MEGF8: variants seen among roughly 807,000 people sequenced by gnomAD.
MEGF8 encodes multiple epidermal growth factor-like domains protein 8.
Under a neutral mutation model 302.9 loss-of-function variants are expected in MEGF8, and 156 were observed. The observed-to-expected ratio is 0.52, with a 90% CI of 0.45 to 0.59. The LOEUF is 0.59. Among genes scored for constraint, MEGF8 ranks in the 20% least tolerant of loss-of-function variants. The pLI is 0.00. For missense variants in MEGF8, 3,345 were observed against 3,964.5 expected (o/e 0.84, Z 4.20); for synonymous variants, 1,621 against 1,660.5 (o/e 0.98, Z 0.58).
intron 12 of MEGF8, among the ~76,000 whole-genome samples, chr19:42,346,208 G>C (rs1374141034): frequency 1.3e-5 from 2 of 151,876 alleles, no homozygotes; most frequent in Non-Finnish European, 2.9e-5. Flanking sequence ...CCTCTTTATT[G>C]ATTTTAAAAA....
At chr19:42,362,793 C>T (rs1461437419) in intron 34 of MEGF8, among the ~76,000 whole-genome samples, 196 bp downstream of exon 34, 2 of 146,026 alleles carry the variant, frequency 1.4e-5, no homozygotes, top group Non-Finnish European at 3.0e-5. Context: ...GGCCTGGACT[C>T]CTGGGTCTGA....
chr19:42,350,080 C>G (rs1242856169), intron 14 of MEGF8, 68 bp from the exon 15 acceptor site: 7 of 1,299,042 alleles, frequency 5.4e-6, no homozygotes, highest in Non-Finnish European at 7.5e-6. Flanking sequence ...CCCTTACTTT[C>G]AGTTAGCGCC....
chr19:42,335,938 G>A lies in MEGF8; in HGVS notation c.836G>A (p.Arg279His), dbSNP rs765439952. The A allele has an allele frequency of 1.0e-5, 15 of 1,470,008 alleles. No homozygotes were observed. Among genetic ancestry groups the A allele is most frequent in the South Asian group, 1.4e-5 (1 of 73,956 alleles). 91.1% of individuals were successfully genotyped at this position (1,470,008 alleles called of 1,614,324 possible). A position where few individuals can be genotyped will look rare whatever the true frequency, so the allele number is the denominator to read the frequency against. The change falls in exon 6 of 42, where the codon CGT becomes CAT. Residue 279 changes from arginine (R) to histidine (H), a missense_variant. By Grantham distance (29) the Arg-to-His change is conservative. Transcript: ENST00000251268. ...SWDLSPAPAA[R>H]HSHVAVAWAG... ...CTTTTCTCTTCCTCACAGGCTGCCCGTCACTCCCATGTGGCCGTGGCCTGG... is the reference window on the plus strand; with the variant it reads ...CTTTTCTCTTCCTCACAGGCTGCCCATCACTCCCATGTGGCCGTGGCCTGG...
rs2039087630 is a variant in MEGF8 at position 42,333,915 on chromosome 19, TC to T, written c.352-87del. ...CAAAGGAAGGAGATGAGGCTCTGGG[TC>T]CCCCAGGGTGGAAGGGGGCAGGAGT... On this transcript the variant is annotated intron_variant, in intron 2 of 41. Coordinates refer to ENST00000251268, the MANE Select transcript of MEGF8 (RefSeq NM_001271938.2). 118 of 1,507,550 alleles carry T rather than the reference TC, an allele frequency of 7.8e-5. 1 individual carries two copies. The South Asian group carries it at 1.3e-3, about 16-fold the overall frequency. The allele number at this position is 1,507,550 out of a possible 1,614,324, so 93.4% of individuals were successfully genotyped here. A position where few individuals can be genotyped will look rare whatever the true frequency, so the allele number is the denominator to read the frequency against.
chr19:42,326,128 A>G lies in MEGF8; in HGVS notation c.-116A>G. 7.3e-7 allele frequency: 1 copy of G among 1,362,828 alleles called. No individual in the cohort carries two copies. Among genetic ancestry groups the G allele is most frequent in the Non-Finnish European group, 9.5e-7 (1 of 1,058,086 alleles). 84.4% of individuals were successfully genotyped at this position (1,362,828 alleles called of 1,614,324 possible). ...CGGGTCTCCGGGACCTCTTCGATCT[A>G]CAAGGTCATGTTATGCCTATAGAGG... On this transcript the variant is annotated 5_prime_UTR_variant, in exon 1 of 42. Transcript: ENST00000251268.
chr19:42,367,985 A>G (rs1031096642), intron 35 of MEGF8, among the ~76,000 whole-genome samples: 8 of 152,060 alleles, frequency 5.3e-5, no homozygotes, highest in Non-Finnish European at 1.2e-4. Flanking sequence ...GCAGTGGTGC[A>G]GTCATGACTC....
At position 42,351,152 on chromosome 19, in the gene MEGF8, G is replaced by T. The variant is rs528584396; in HGVS notation, c.2737-64G>T. The T allele has an allele frequency of 7.2e-7, 1 of 1,393,236 alleles. No individual in the cohort carries two copies. Among genetic ancestry groups the T allele is most frequent in the Non-Finnish European group, 9.9e-7 (1 of 1,013,916 alleles). The allele number at this position is 1,393,236 out of a possible 1,614,324, so 86.3% of individuals were successfully genotyped here. ...CAGGGTGGGGCAGGGGGTGGGATGGGCACTGGGAGTCCAAAGGAAAGGGCT... is the reference window on the plus strand; with the variant it reads ...CAGGGTGGGGCAGGGGGTGGGATGGTCACTGGGAGTCCAAAGGAAAGGGCT... On this transcript the variant is annotated intron_variant, in intron 15 of 41. Transcript: ENST00000251268. The surrounding 1 kb of genome is among the most constrained non-coding windows in gnomAD (Gnocchi z 5.6).
At position 42,352,918 on chromosome 19, in the gene MEGF8, G is replaced by A. The variant is rs1173883661; in HGVS notation, c.3351-10G>A. ...CTGGCGCTTTCCCCACCCCCAACAC[G>A]GCCCCTCAGGTGCTTGGAGGACTGT... On this transcript the variant is annotated splice_polypyrimidine_tract_variant and intron_variant, in intron 19 of 41. Coordinates refer to ENST00000251268, the MANE Select transcript of MEGF8 (RefSeq NM_001271938.2). This position sits in a 1 kb window ranked among gnomAD's most constrained non-coding sequence, Gnocchi z 4.4. 1.3e-6 allele frequency: 2 copies of A among 1,580,012 alleles called. No homozygotes were observed. Among genetic ancestry groups the A allele is most frequent in the Non-Finnish European group, 8.6e-7 (1 of 1,163,496 alleles).
At position 42,356,865 on chromosome 19, in the gene MEGF8, G is replaced by A. The variant is rs777483950; in HGVS notation, c.4714G>A (p.Ala1572Thr). ...ATCGCCCCGCTCCTTCCATGCAGCC[G>A]CATATGTGCCCGCTGGCCGTGGTGC... The part of the protein sequence containing the change: ...GPSPRSFHAA[A>T]YVPAGRGAMY... The change falls in exon 27 of 42, where the codon GCA becomes ACA. Residue 1572 changes from alanine to threonine, a missense_variant. By Grantham distance (58) the Ala-to-Thr change is moderately conservative. Transcript: ENST00000251268. The surrounding 1 kb of genome is among the most constrained non-coding windows in gnomAD (Gnocchi z 5.2). The A allele has an allele frequency of 1.6e-5, 25 of 1,590,390 alleles. No homozygotes were observed. Among genetic ancestry groups the A allele is most frequent in the African/African-American group, 1.5e-4 (11 of 74,480 alleles).
Position 42,351,306 on chromosome 19 carries a change from C to T in MEGF8, c.2827C>T (p.Pro943Ser), listed in dbSNP as rs1386650004. 1.3e-6 allele frequency: 2 copies of T among 1,568,610 alleles called. No homozygotes were observed. The highest frequency in any genetic ancestry group is 1.7e-6 in the Non-Finnish European group (2 of 1,156,460). The change falls in exon 16 of 42, where the codon CCA becomes TCA. Residue 943 changes from proline (P) to serine (S), a missense_variant. Coordinates refer to ENST00000251268, the MANE Select transcript of MEGF8 (RefSeq NM_001271938.2). The surrounding 1 kb of genome is among the most constrained non-coding windows in gnomAD (Gnocchi z 5.6). Reference sequence around the variant, plus strand: ...CCGGGGTCGGGGTGCCCTGAAGAGTCCAGAGGAGTGTCCCCCGCTCTGCAG... The same window carrying T: ...CCGGGGTCGGGGTGCCCTGAAGAGTTCAGAGGAGTGTCCCCCGCTCTGCAG... ...RGRGRGALKS[P>S]EECPPLCSQR...
chr19:42,363,372 T>C (rs1420062598), intron 35 of MEGF8, 110 bp downstream of exon 35: 2 of 912,576 alleles, frequency 2.2e-6, no homozygotes, highest in Non-Finnish European at 3.3e-6. Flanking sequence ...CCTCCTTCCA[T>C]CTCCCTGGCT....
rs1352725558 is a variant in MEGF8 at position 42,376,366 on chromosome 19, C to T, written c.8129C>T (p.Ala2710Val). Residue 2710 changes from alanine (A) to valine (V), a missense_variant, in exon 42 of 42, where the codon GCC becomes GTC. Ala to Val is a moderately conservative substitution (Grantham distance 64, BLOSUM62 0). Coordinates refer to ENST00000251268, the MANE Select transcript of MEGF8 (RefSeq NM_001271938.2). This position sits in a 1 kb window ranked among gnomAD's most constrained non-coding sequence, Gnocchi z 8.2. ...GTCTGCTTCCCACCTGACCCTACTG[C>T]CCCGGCCTCCGCCTGGAAGCCGGCT... ...VTVCFPPDPT[A>V]PASAWKPAGL... 6.2e-6 allele frequency: 10 copies of T among 1,613,442 alleles called. No homozygotes were observed. The highest frequency in any genetic ancestry group is 8.5e-6 in the Non-Finnish European group (10 of 1,179,804).
chr19:42,329,009 A>G (rs932924499), intron 1 of MEGF8, among the ~76,000 whole-genome samples: 1 of 152,148 alleles, frequency 6.6e-6, no homozygotes, highest in African/African-American at 2.4e-5. Flanking sequence ...TGTGCTGCAG[A>G]TAACAGAGCA....
chr19:42,355,377 A>G (rs1392012003), intron 23 of MEGF8, among the ~76,000 whole-genome samples: 1 of 152,160 alleles, frequency 6.6e-6, no homozygotes, highest in Non-Finnish European at 1.5e-5. Flanking sequence ...ATGTAAGGGC[A>G]GTAGGAGTTG....
intron 8 of MEGF8, 25 bp downstream of exon 8, chr19:42,337,231 G>A (rs1420195401): frequency 6.8e-6 from 11 of 1,612,428 alleles, no homozygotes; most frequent in Admixed American, 1.7e-5. Flanking sequence ...TTCTTCCCTA[G>A]GGGCTCCTGA....
intron 41 of MEGF8, among the ~76,000 whole-genome samples, chr19:42,372,878 G>T (rs1457166343): frequency 6.6e-6 from 1 of 151,888 alleles, no homozygotes; most frequent in African/African-American, 2.4e-5. Context: ...TCACCATGTT[G>T]CCCAGGCTAG....
At chr19:42,337,248 C>T (rs371487081) in intron 8 of MEGF8, 42 bp downstream of exon 8, 64 of 1,610,884 alleles carry the variant, frequency 4.0e-5, no homozygotes, top group Non-Finnish European at 4.9e-5. Flanking sequence ...CTGAGGGTCC[C>T]ACCTCTCTCC....
Position 42,334,145 on chromosome 19 carries a change from T to TG in MEGF8, c.497dup (p.Pro167SerfsTer2), listed in dbSNP as rs762115034. ...GGGTGTGTGTGCCTGCGAGCCGGGCTGGGGGGGTCCTGACTGTGGCCTGCA... is the reference window on the plus strand; with the variant it reads ...GGGTGTGTGTGCCTGCGAGCCGGGCTGGGGGGGGTCCTGACTGTGGCCTGCA... On this transcript the variant is annotated frameshift_variant, in exon 3 of 42. Coordinates refer to ENST00000251268, the MANE Select transcript of MEGF8 (RefSeq NM_001271938.2). LOFTEE classifies it high-confidence loss of function. 1.2e-5 allele frequency: 19 copies of TG among 1,611,496 alleles called. No individual in the cohort carries two copies. Among genetic ancestry groups the TG allele is most frequent in the Non-Finnish European group, 1.2e-5 (14 of 1,179,662 alleles).
chr19:42,329,911 A>G (rs1489453126), intron 1 of MEGF8, among the ~76,000 whole-genome samples: 1 of 151,600 alleles, frequency 6.6e-6, no homozygotes, highest in African/African-American at 2.4e-5. Flanking sequence ...CCAACCTACT[A>G]ACTTTTGTAT....
Sources: gnomAD v4.1 joint callset for allele counts (sites outside exome capture counted in the v4.1 genomes callset) on GRCh38, gnomAD v4.1.1 for gene constraint, Gnocchi (gnomAD v3.1) non-coding constraint, MANE v1.5 for transcripts, NCBI Gene and HGNC (gene_info 2026-07-23, HGNC 2026-07-21) for gene names.